The following CHSY1 variants were observed in gnomAD, a reference collection of about 807,000 sequenced individuals.
CHSY1 encodes the protein chondroitin sulfate synthase 1, also known as N-acetylgalactosaminyl-proteoglycan 3-beta-glucuronosyltransferase 1.
CHSY1 carries 13 observed loss-of-function variants against 59.8 expected under a neutral mutation model. The ratio of observed to expected loss-of-function variants is 0.22; its 90% CI spans 0.14 to 0.35. The LOEUF is 0.35. Among genes scored for constraint, CHSY1 ranks in the 10% least tolerant of loss-of-function variants. The pLI, the probability that CHSY1 is intolerant of heterozygous loss-of-function variation, is 1.00. For synonymous variants in CHSY1, 459 were observed against 401.2 expected, an observed-to-expected ratio of 1.14 and a Z score of -1.72; for missense variants, 947 against 1,030.6, an observed-to-expected ratio of 0.92 and a Z score of 1.11.
intron 2 of CHSY1, among the ~76,000 whole-genome samples, chr15:101,222,205 A>AC (rs1288762003): frequency 6.6e-6 from 1 of 152,170 alleles, no homozygotes; most frequent in African/African-American, 2.4e-5. Context: ...CACAATATCC[A>AC]CTTAGAGTCA....
At chr15:101,221,801 TG>T (rs570177409) in intron 2 of CHSY1, among the ~76,000 whole-genome samples, 82 of 138,734 alleles carry the variant, frequency 5.9e-4, no homozygotes, top group African/African-American at 2.6e-3. Flanking sequence ...AGTATTTTTC[TG>T]TCACAGGGAG....
intron 1 of CHSY1, among the ~76,000 whole-genome samples, chr15:101,244,787 C>A (rs570386049): frequency 6.6e-6 from 1 of 152,302 alleles, no homozygotes; most frequent in East Asian, 1.9e-4. Context: ...TCAGCCACAC[C>A]ATTTTTACTT....
At position 101,177,300 on chromosome 15, in the gene CHSY1, G is replaced by C. The variant is rs1461996523; in HGVS notation, c.*88C>G. 8.0e-7 allele frequency: 1 copy of C among 1,251,058 alleles called. No homozygotes were observed. Among genetic ancestry groups the C allele is most frequent in the Non-Finnish European group, 1.1e-6 (1 of 893,738 alleles). 77.5% of individuals were successfully genotyped at this position (1,251,058 alleles called of 1,614,324 possible). A position where few individuals can be genotyped will look rare whatever the true frequency, so the allele number is the denominator to read the frequency against. On this transcript the variant is annotated 3_prime_UTR_variant, in exon 3 of 3. Coordinates refer to ENST00000254190, the MANE Select transcript of CHSY1 (RefSeq NM_014918.5). ...AAAACCACTTGTAAAATATATCCTTGTATACGGACTTCAAAAACTGATCAT... is the reference window on the plus strand; with the variant it reads ...AAAACCACTTGTAAAATATATCCTTCTATACGGACTTCAAAAACTGATCAT...
intron 2 of CHSY1, among the ~76,000 whole-genome samples, chr15:101,201,894 GA>G (rs2038577852): frequency 1.3e-5 from 2 of 152,206 alleles, no homozygotes; most frequent in Non-Finnish European, 2.9e-5. Flanking sequence ...GAGGGGGTTA[GA>G]AGGAATCTCA....
rs117535652 is a variant in CHSY1 at position 101,250,578 on chromosome 15, T to C, written c.320+559A>G. On this transcript the variant is annotated intron_variant, in intron 1 of 2. Transcript: ENST00000254190. ...AGAACTGCTTTTCCCCAAGGTTCTC[T>C]CTCTCTGTACTCAACAGACTGGTGT... is the stretch of plus-strand genomic sequence containing the variant. Among the ~76,000 whole-genome samples the C allele has an allele frequency of 1.6e-3, 239 of 152,338 alleles. 4 individuals are homozygous for C. In the East Asian group the frequency reaches 0.041, roughly 26 times the overall value.
intron 2 of CHSY1, among the ~76,000 whole-genome samples, chr15:101,230,300 A>C (rs2038881194): frequency 6.6e-6 from 1 of 152,164 alleles, no homozygotes; most frequent in South Asian, 2.1e-4. Flanking sequence ...CTAGCCACTG[A>C]GGGTCTGCCT....
At chr15:101,223,246 T>C (rs111566770) in intron 2 of CHSY1, among the ~76,000 whole-genome samples, 9,433 of 152,234 alleles carry the variant, frequency 0.062, 813 homozygotes, top group African/African-American at 0.19. Flanking sequence ...CCACCCACCT[T>C]GGCCTCCCAA....
chr15:101,201,800 G>A (rs539426958), intron 2 of CHSY1, among the ~76,000 whole-genome samples: 1 of 152,196 alleles, frequency 6.6e-6, no homozygotes, highest in East Asian at 1.9e-4. Context: ...CAGATGGAAA[G>A]GAAGGCTGTT....
intron 2 of CHSY1, among the ~76,000 whole-genome samples, chr15:101,232,163 AAC>A (rs1259805638): frequency 6.6e-6 from 1 of 152,254 alleles, no homozygotes; most frequent in African/African-American, 2.4e-5. Context: ...CGCCAAAAAA[AAC>A]ACTATACCTT....
At chr15:101,215,445 T>C (rs556083725) in intron 2 of CHSY1, among the ~76,000 whole-genome samples, 129 of 152,262 alleles carry the variant, frequency 8.5e-4, no homozygotes, top group African/African-American at 2.8e-3. Flanking sequence ...CTATAATTTT[T>C]AAATATAGGC....
At chr15:101,208,472 G>A (rs527349262) in intron 2 of CHSY1, among the ~76,000 whole-genome samples, 58 of 152,290 alleles carry the variant, frequency 3.8e-4, no homozygotes, top group African/African-American at 1.4e-3. Flanking sequence ...CAGCACTTTG[G>A]GAACCCAAGG....
intron 2 of CHSY1, among the ~76,000 whole-genome samples, chr15:101,221,812 GT>G (rs201193392): frequency 8.5e-6 from 1 of 118,310 alleles, no homozygotes. Context: ...GTCACAGGGA[GT>G]TTTTTTGTTT....
At chr15:101,204,084 T>C (rs1206947989) in intron 2 of CHSY1, among the ~76,000 whole-genome samples, 4 of 152,188 alleles carry the variant, frequency 2.6e-5, no homozygotes, top group South Asian at 4.1e-4. Flanking sequence ...AGGAAATACA[T>C]ACTGATTTAA....
chr15:101,191,067 TATTTACCCA>T (rs1472740792), intron 2 of CHSY1, among the ~76,000 whole-genome samples: 1 of 152,216 alleles, frequency 6.6e-6, no homozygotes, highest in African/African-American at 2.4e-5. Flanking sequence ...AGCTCCTTGG[TATTTACCCA>T]AAAGAGCTGA....
chr15:101,178,779 G>A lies in CHSY1; in HGVS notation c.1018C>T (p.Leu340=). 1 of 1,614,212 alleles carries A rather than the reference G, an allele frequency of 6.2e-7. No individual in the cohort carries two copies. The highest frequency in any genetic ancestry group is 8.5e-7 in the Non-Finnish European group (1 of 1,180,042). ...TCTGTGTTGCTGTATTTGCTCATCAGGACAATTTCGCGGTGCAGCTGTATT... is the reference window on the plus strand; with the variant it reads ...TCTGTGTTGCTGTATTTGCTCATCAAGACAATTTCGCGGTGCAGCTGTATT... ...RTIQLHREIV[L]MSKYSNTEIH... Residue 340 remains leucine, a synonymous_variant, in exon 3 of 3, where the codon CTG becomes TTG. Transcript: ENST00000254190.
chr15:101,211,318 A>AC (rs2038680641), intron 2 of CHSY1, among the ~76,000 whole-genome samples: 1 of 152,224 alleles, frequency 6.6e-6, no homozygotes, highest in Non-Finnish European at 1.5e-5. Context: ...AGCGAGACTT[A>AC]GTCTCAAAAA....
rs534238675 is a variant in CHSY1 at position 101,208,709 on chromosome 15, T to C, written c.816+26373A>G. On this transcript the variant is annotated intron_variant, in intron 2 of 2. Coordinates refer to ENST00000254190, the MANE Select transcript of CHSY1 (RefSeq NM_014918.5). ...GCCTGGGTGACAGAGCAAGGCTCCA[T>C]CTCAAAAAAAAAAAAAAAAGAGATA... Among the ~76,000 whole-genome samples, 25 of 93,194 alleles carry C rather than the reference T, an allele frequency of 2.7e-4. No homozygotes were observed. The South Asian group carries it at 6.2e-3, about 23-fold the overall frequency. The allele number at this position is 93,194 out of a possible 152,430, so 61.1% of individuals were successfully genotyped here.
rs189273332 is a variant in CHSY1 at position 101,177,125 on chromosome 15, T to G, written c.*263A>C. On this transcript the variant is annotated 3_prime_UTR_variant, in exon 3 of 3. Coordinates refer to ENST00000254190, the MANE Select transcript of CHSY1 (RefSeq NM_014918.5). ...GAGCAAAGGGTCTCAAAAGAAAACA[T>G]TTTTTTAAAAAAGTTTTGTTCATCA... 3 of 374,192 alleles carry G rather than the reference T, an allele frequency of 8.0e-6. No homozygotes were observed. The highest frequency in any genetic ancestry group is 1.4e-5 in the Non-Finnish European group (3 of 207,992). The allele number at this position is 374,192 out of a possible 1,614,324, so 23.2% of individuals were successfully genotyped here.
chr15:101,230,831 G>T (rs770388634), intron 2 of CHSY1, among the ~76,000 whole-genome samples: 36 of 152,070 alleles, frequency 2.4e-4, no homozygotes, highest in Non-Finnish European at 5.0e-4. Flanking sequence ...TGAACATATG[G>T]TCTTTGTCTC....
Sources: allele counts gnomAD v4.1 joint callset (sites outside exome capture counted in the v4.1 genomes callset), GRCh38; gene constraint gnomAD v4.1.1; transcripts MANE v1.5; gene names NCBI Gene and HGNC (gene_info 2026-07-23, HGNC 2026-07-21).